The following C12orf42 variants were observed in gnomAD, a reference collection of about 807,000 sequenced individuals.
The protein encoded by C12orf42 is uncharacterized protein C12orf42.
A neutral mutation model predicts 21.6 loss-of-function variants in C12orf42; 25 were observed. The observed-to-expected ratio is 1.16, with a 90% CI of 0.84 to 1.62. The LOEUF is 1.62. Among genes scored for constraint, C12orf42 ranks in the 40% most tolerant of loss-of-function variants. C12orf42 has a pLI of 0.00. For synonymous variants in C12orf42, 174 were observed against 175.0 expected (o/e 0.99, Z 0.05); for missense variants, 483 against 459.3 (o/e 1.05, Z -0.47).
chr12:103,314,493 T>C (rs2039273673), intron 4 of C12orf42, among the ~76,000 whole-genome samples: 1 of 152,184 alleles, frequency 6.6e-6, no homozygotes, highest in Non-Finnish European at 1.5e-5. Flanking sequence ...AGGAGGCTAG[T>C]TGTGAACTAG....
the C12orf42 span, among the ~76,000 whole-genome samples, chr12:103,068,945 A>G: frequency 1.2e-4 from 3 of 24,200 alleles, no homozygotes; most frequent in African/African-American, 1.9e-4. Context: ...ATATATATAT[A>G]TATATATATA....
At chr12:103,379,583 C>T (rs953973746) in intron 3 of C12orf42, among the ~76,000 whole-genome samples, 2 of 152,204 alleles carry the variant, frequency 1.3e-5, no homozygotes, top group Non-Finnish European at 2.9e-5. Context: ...TCCAGGTTCT[C>T]TGTAGCGATG....
chr12:103,399,352 T>TTTG (rs1006648208), intron 3 of C12orf42, among the ~76,000 whole-genome samples: 19 of 151,818 alleles, frequency 1.3e-4, no homozygotes, highest in Non-Finnish European at 2.2e-4. Context: ...TAAGTCTATT[T>TTTG]TTGTTGTTGT....
chr12:103,283,864 T>G (rs1292783075), intron 4 of C12orf42, among the ~76,000 whole-genome samples: 1 of 152,232 alleles, frequency 6.6e-6, no homozygotes, highest in Non-Finnish European at 1.5e-5. Context: ...GGGAATAGCC[T>G]GTCTCCTTTC....
the C12orf42 span, among the ~76,000 whole-genome samples, chr12:103,102,659 G>A: frequency 6.6e-6 from 1 of 152,188 alleles, no homozygotes; most frequent in African/African-American, 2.4e-5. Flanking sequence ...AAGGCAGGTT[G>A]GACAGGCTTG....
the C12orf42 span, among the ~76,000 whole-genome samples, chr12:103,527,090 G>A: frequency 6.6e-6 from 1 of 152,044 alleles, no homozygotes; most frequent in Non-Finnish European, 1.5e-5. Context: ...TCTTGTCAGG[G>A]ATTGGTTAAA....
At chr12:103,350,115 A>G (rs1002672809) in intron 4 of C12orf42, among the ~76,000 whole-genome samples, 1 of 152,182 alleles carries the variant, frequency 6.6e-6, no homozygotes, top group African/African-American at 2.4e-5. Flanking sequence ...GTTTCCAGCC[A>G]TTATTTCTTC....
intron 4 of C12orf42, among the ~76,000 whole-genome samples, chr12:103,281,355 A>G (rs888323473): frequency 6.6e-6 from 1 of 152,136 alleles, no homozygotes; most frequent in African/African-American, 2.4e-5. Context: ...CTTTTGTATC[A>G]TCCTGACGTG....
chr12:103,099,424 C>T, the C12orf42 span, among the ~76,000 whole-genome samples: 1 of 152,110 alleles, frequency 6.6e-6, no homozygotes, highest in African/African-American at 2.4e-5. Flanking sequence ...ATTTAAAAAT[C>T]CAGTGGAGGA....
chr12:103,521,601 G>T, the C12orf42 span, among the ~76,000 whole-genome samples: 9 of 152,226 alleles, frequency 5.9e-5, no homozygotes, highest in Admixed American at 4.6e-4. Flanking sequence ...TAGGTGATGG[G>T]TTGATAGGTG....
chr12:103,554,389 G>A, the C12orf42 span, among the ~76,000 whole-genome samples: 2 of 152,146 alleles, frequency 1.3e-5, no homozygotes, highest in East Asian at 3.9e-4. Context: ...TCAGCCAAAA[G>A]CATTTAAGCA....
chr12:103,315,828 G>T (rs1309778692), intron 4 of C12orf42, among the ~76,000 whole-genome samples: 1 of 152,006 alleles, frequency 6.6e-6, no homozygotes, highest in East Asian at 1.9e-4. Context: ...ACATCATATT[G>T]TGTTTTGAAC....
the C12orf42 span, among the ~76,000 whole-genome samples, chr12:103,095,158 C>T: frequency 6.6e-6 from 1 of 152,118 alleles, no homozygotes; most frequent in East Asian, 1.9e-4. Context: ...TGGTCCCTTC[C>T]CTCATAGTCT....
At chr12:103,441,263 A>T (rs1951223415) in intron 2 of C12orf42, among the ~76,000 whole-genome samples, 1 of 152,162 alleles carries the variant, frequency 6.6e-6, no homozygotes, top group Non-Finnish European at 1.5e-5. Flanking sequence ...CATTTTACCA[A>T]ATAATCTCAT....
chr12:103,130,921 A>G, the C12orf42 span, among the ~76,000 whole-genome samples: 1 of 152,226 alleles, frequency 6.6e-6, no homozygotes, highest in African/African-American at 2.4e-5. Context: ...GTGTACCCAC[A>G]ATAAAAATCT....
At chr12:103,345,073 C>T (rs1441099069) in intron 4 of C12orf42, among the ~76,000 whole-genome samples, 1 of 152,210 alleles carries the variant, frequency 6.6e-6, no homozygotes, top group Non-Finnish European at 1.5e-5. Flanking sequence ...ACTGTGACCT[C>T]AGTCACCTGA....
chr12:103,413,199 T>C (rs2048998733), intron 2 of C12orf42, among the ~76,000 whole-genome samples: 2 of 152,184 alleles, frequency 1.3e-5, no homozygotes, highest in South Asian at 4.1e-4. Flanking sequence ...GCACCATTTA[T>C]TGAATAAGGA....
At chr12:103,293,034 C>A (rs1378790108) in intron 4 of C12orf42, among the ~76,000 whole-genome samples, 1 of 152,062 alleles carries the variant, frequency 6.6e-6, no homozygotes, top group Non-Finnish European at 1.5e-5. Flanking sequence ...TTGATTCATT[C>A]TTTAAAATCT....
chr12:103,493,688 A>G (rs1009910177), intron 1 of C12orf42, among the ~76,000 whole-genome samples: 2 of 150,140 alleles, frequency 1.3e-5, no homozygotes, highest in Non-Finnish European at 3.0e-5. Flanking sequence ...GAAACTACAA[A>G]GAACACGAAA....
Sources: allele counts gnomAD v4.1 joint callset (sites outside exome capture counted in the v4.1 genomes callset), GRCh38; gene constraint gnomAD v4.1.1; transcripts MANE v1.5; gene names NCBI Gene and HGNC (gene_info 2026-07-23, HGNC 2026-07-21).